Variants in JARID2 observed in about 807,000 individuals in gnomAD.
The protein encoded by JARID2 is protein Jumonji.
JARID2 carries 21 observed loss-of-function variants against 125.6 expected under a neutral mutation model. The observed-to-expected ratio is 0.17, with a 90% CI of 0.12 to 0.24. The LOEUF (loss-of-function observed/expected upper bound fraction) is 0.24, where lower values mean the gene tolerates loss of function less well. Ranked by LOEUF, JARID2 falls within the 10% of genes least tolerant of loss-of-function variation. The pLI, the probability that JARID2 is intolerant of heterozygous loss-of-function variation, is 1.00. For synonymous variants in JARID2, 736 were observed against 661.6 expected (o/e 1.11, Z -1.73); for missense variants, 1,303 against 1,639.6 (o/e 0.79, Z 3.55).
intron 1 of JARID2, among the ~76,000 whole-genome samples, chr6:15,303,935 C>T (rs1761719997): frequency 6.6e-6 from 1 of 152,134 alleles, no homozygotes; most frequent in African/African-American, 2.4e-5. Context: ...TGGTTGGGAG[C>T]ACTGGGTTGA....
At chr6:15,320,815 T>C (rs553519491) in intron 1 of JARID2, among the ~76,000 whole-genome samples, 1 of 151,818 alleles carries the variant, frequency 6.6e-6, no homozygotes, top group South Asian at 2.1e-4. Context: ...TTTTCAGCCA[T>C]GGCCATGCAA....
At chr6:15,412,803 C>G (rs1462523782) in intron 3 of JARID2, among the ~76,000 whole-genome samples, 1 of 152,076 alleles carries the variant, frequency 6.6e-6, no homozygotes. Context: ...TAATATGTAA[C>G]CTGTCTTCAA....
chr6:15,271,487 C>T (rs1285673963), intron 1 of JARID2, among the ~76,000 whole-genome samples: 5 of 152,216 alleles, frequency 3.3e-5, no homozygotes, highest in Admixed American at 6.5e-5. Flanking sequence ...AAGATCTCTG[C>T]TACCAACAGA....
intron 1 of JARID2, among the ~76,000 whole-genome samples, chr6:15,250,183 C>G (rs538670404): frequency 1.4e-3 from 212 of 152,256 alleles, no homozygotes; most frequent in African/African-American, 4.6e-3. Context: ...ATCTAATTTT[C>G]TGATTTGAAA....
intron 2 of JARID2, among the ~76,000 whole-genome samples, chr6:15,393,613 ATGT>A (rs1286018934): frequency 2.6e-5 from 4 of 152,234 alleles, no homozygotes; most frequent in Non-Finnish European, 5.9e-5. Context: ...ACCATAAATG[ATGT>A]TCCATATTTA....
intron 3 of JARID2, among the ~76,000 whole-genome samples, chr6:15,429,358 TG>T (rs550592010): frequency 1.9e-3 from 285 of 152,098 alleles, no homozygotes; most frequent in African/African-American, 6.3e-3. Flanking sequence ...CTTGGATTCC[TG>T]GGCTCAAGCA....
intron 2 of JARID2, among the ~76,000 whole-genome samples, chr6:15,403,734 G>A (rs764510260): frequency 4.7e-5 from 7 of 147,766 alleles, no homozygotes; most frequent in Non-Finnish European, 7.5e-5. Context: ...AAGGTGTGTC[G>A]TGGGGGCGGA....
At chr6:15,311,053 G>C (rs186556244) in intron 1 of JARID2, among the ~76,000 whole-genome samples, 1 of 152,138 alleles carries the variant, frequency 6.6e-6, no homozygotes, top group South Asian at 2.1e-4. Flanking sequence ...AACATGGCAC[G>C]TTGGCAGTGA....
At chr6:15,257,503 A>G (rs1759709228) in intron 1 of JARID2, among the ~76,000 whole-genome samples, 1 of 152,088 alleles carries the variant, frequency 6.6e-6, no homozygotes, top group South Asian at 2.1e-4. Flanking sequence ...GTTGATAGTT[A>G]CCACTATTTT....
At chr6:15,476,885 C>G (rs904773511) in intron 5 of JARID2, among the ~76,000 whole-genome samples, 1 of 151,994 alleles carries the variant, frequency 6.6e-6, no homozygotes. Flanking sequence ...GTTATTTTTT[C>G]CAGGGGGTAA....
chr6:15,506,302 A>C (rs181447483), intron 9 of JARID2, among the ~76,000 whole-genome samples: 2 of 152,334 alleles, frequency 1.3e-5, no homozygotes, highest in Admixed American at 1.3e-4. Context: ...TTGGGCACTC[A>C]GGGAGTCTGT....
intron 1 of JARID2, among the ~76,000 whole-genome samples, chr6:15,266,461 G>A (rs563567962): frequency 1.2e-4 from 19 of 152,202 alleles, no homozygotes; most frequent in African/African-American, 4.3e-4. Flanking sequence ...ATCCTCTCCC[G>A]CTGGGGGAAG....
chr6:15,512,894 G>A (rs893690391), intron 14 of JARID2, 21 bp from the exon 15 acceptor site: 6 of 1,612,812 alleles, frequency 3.7e-6, no homozygotes, highest in Non-Finnish European at 4.2e-6. Context: ...CCACCCTAAA[G>A]GGATGTGACT....
intron 6 of JARID2, among the ~76,000 whole-genome samples, chr6:15,488,466 C>G (rs1252724061): frequency 6.6e-6 from 1 of 152,206 alleles, no homozygotes; most frequent in Non-Finnish European, 1.5e-5. Context: ...GGGTTAAAAT[C>G]TTCCCTAGAA....
intron 3 of JARID2, among the ~76,000 whole-genome samples, chr6:15,420,486 C>T (rs1581538034): frequency 6.6e-6 from 1 of 151,902 alleles, no homozygotes; most frequent in South Asian, 2.1e-4. Context: ...GTTTCTTGAA[C>T]ATGTGGAGTA....
chr6:15,464,532 C>G (rs1441954500), intron 4 of JARID2, among the ~76,000 whole-genome samples: 1 of 152,178 alleles, frequency 6.6e-6, no homozygotes, highest in African/African-American at 2.4e-5. Context: ...GGAGGACAGT[C>G]AGGCCATATC....
At chr6:15,500,474 C>G (rs1581651635) in intron 7 of JARID2, among the ~76,000 whole-genome samples, 1 of 152,236 alleles carries the variant, frequency 6.6e-6, no homozygotes, top group East Asian at 1.9e-4. Context: ...CTAGGTGACG[C>G]TGGGCCGTGG....
intron 3 of JARID2, among the ~76,000 whole-genome samples, chr6:15,431,503 G>A (rs1561858634): frequency 6.6e-6 from 1 of 152,126 alleles, no homozygotes; most frequent in Non-Finnish European, 1.5e-5. Flanking sequence ...AGACAGTGAC[G>A]GCTTGTGCCT....
rs2076056 is a variant in JARID2, at chr6:15,487,551, C to A, written c.906+9C>A. On this transcript the variant is annotated intron_variant, in intron 6 of 17. Transcript: ENST00000341776. ...AGGACTTACGGAAACAGGTAAAGTC[C>A]AGCAGGGGTGCCTACATGTGTGCCA... 4.4e-6 allele frequency: 7 copies of A among 1,587,888 alleles called. No homozygotes were observed. In the African/African-American group the frequency reaches 6.7e-5, roughly 15 times the overall value.
Sources: gnomAD v4.1 joint callset for allele counts (sites outside exome capture counted in the v4.1 genomes callset) on GRCh38, gnomAD v4.1.1 for gene constraint, MANE v1.5 for transcripts, NCBI Gene and HGNC (gene_info 2026-07-23, HGNC 2026-07-21) for gene names.